The following ZNF213 variants were observed in gnomAD, a reference collection of about 807,000 sequenced individuals.
ZNF213 encodes the protein putative transcription factor CR53.
A neutral mutation model predicts 46.0 loss-of-function variants in ZNF213; 32 were observed. The ratio of observed to expected loss-of-function variants is 0.70; its 90% CI spans 0.52 to 0.93. The LOEUF (loss-of-function observed/expected upper bound fraction) is 0.93, where lower values mean the gene tolerates loss of function less well. Among genes scored for constraint, ZNF213 ranks in the 40% least tolerant of loss-of-function variants. The pLI is 0.00. For synonymous variants in ZNF213, 297 were observed against 271.0 expected (o/e 1.10, Z -0.94); for missense variants, 639 against 652.8 (o/e 0.98, Z 0.23).
rs1181517892 is a variant in ZNF213 at position 3,138,933 on chromosome 16, G to C, written c.598-42G>C. 1.1e-5 allele frequency: 18 copies of C among 1,614,026 alleles called. No homozygotes were observed. The Middle Eastern group carries it at 1.2e-3, about 104-fold the overall frequency. ...TCTGACCCATCCTGTCCCCGCCAGT[G>C]CTGCTGGGAGGCCTGAGCCGGGTCT... On this transcript the variant is annotated intron_variant, in intron 4 of 5. Coordinates refer to ENST00000396878, the MANE Select transcript of ZNF213 (RefSeq NM_004220.3).
At chr16:3,140,533 G>C in intron 5 of ZNF213, 156 bp from the exon 6 acceptor site, 1 of 1,166,224 alleles carries the variant, frequency 8.6e-7, no homozygotes, top group Non-Finnish European at 1.1e-6. Flanking sequence ...AATCATCCCT[G>C]TTTTATAGAT....
At chr16:3,139,134 C>T in intron 5 of ZNF213, 36 bp downstream of exon 5, 2 of 1,603,800 alleles carry the variant, frequency 1.2e-6, no homozygotes, top group Non-Finnish European at 1.7e-6. Flanking sequence ...AGGCTGGCCG[C>T]CCCCGATTCT....
At chr16:3,140,614 C>G in intron 5 of ZNF213, 75 bp from the exon 6 acceptor site, 1 of 1,440,310 alleles carries the variant, frequency 6.9e-7, no homozygotes, top group African/African-American at 1.5e-5. Flanking sequence ...CTTTCCCCAG[C>G]CTTGTTTCTT....
chr16:3,141,551 C>T lies in ZNF213; in HGVS notation c.*204C>T, dbSNP rs755793471. ...AGGGAACGGAAGCCTTCCCCTCCCGCCCCCGATCTTGTCCTCTTTCCCCCT... is the reference window on the plus strand; with the variant it reads ...AGGGAACGGAAGCCTTCCCCTCCCGTCCCCGATCTTGTCCTCTTTCCCCCT... On this transcript the variant is annotated 3_prime_UTR_variant, in exon 6 of 6. Transcript: ENST00000396878. 17 of 568,978 alleles carry T rather than the reference C, an allele frequency of 3.0e-5. No individual in the cohort carries two copies. The highest frequency in any genetic ancestry group is 5.7e-5 in the African/African-American group (3 of 52,272). The allele number at this position is 568,978 out of a possible 1,614,324, so 35.2% of individuals were successfully genotyped here. A position where few individuals can be genotyped will look rare whatever the true frequency, so the allele number is the denominator to read the frequency against.
intron 1 of ZNF213, among the ~76,000 whole-genome samples, chr16:3,135,730 C>G (rs928117623): frequency 6.6e-6 from 1 of 151,908 alleles, no homozygotes; most frequent in Non-Finnish European, 1.5e-5. Flanking sequence ...TCGGGGGGTA[C>G]AATGGTATTG....
Position 3,137,256 on chromosome 16 carries a change from C to A in ZNF213, c.-25C>A, listed in dbSNP as rs569751966. 1.3e-6 allele frequency: 2 copies of A among 1,552,386 alleles called. No homozygotes were observed. Among genetic ancestry groups the A allele is most frequent in the South Asian group, 1.2e-5 (1 of 81,502 alleles). On this transcript the variant is annotated 5_prime_UTR_variant, in exon 2 of 6. Coordinates refer to ENST00000396878, the MANE Select transcript of ZNF213 (RefSeq NM_004220.3). Reference sequence around the variant, plus strand: ...TTCTGGGGCCCAGGTTGAAGCCGACCAACCCTGAGCCTCAGGCCAGGGGAA... The same window carrying A: ...TTCTGGGGCCCAGGTTGAAGCCGACAAACCCTGAGCCTCAGGCCAGGGGAA...
chr16:3,142,219 C>CAT lies in ZNF213; in HGVS notation c.*872_*873insAT. The CAT allele has an allele frequency of 8.7e-6, 2 of 230,440 alleles. No individual in the cohort carries two copies. The highest frequency in any genetic ancestry group is 1.7e-5 in the Non-Finnish European group (2 of 114,380). 14.3% of individuals were successfully genotyped at this position (230,440 alleles called of 1,614,324 possible). Reference sequence around the variant, plus strand: ...CTGCTCCATCGGCACTGGCGCCCTGCTCCATCGGCACTAATGCTCCACTCG... The same window carrying CAT: ...CTGCTCCATCGGCACTGGCGCCCTGCATTCCATCGGCACTAATGCTCCACTCG... On this transcript the variant is annotated 3_prime_UTR_variant, in exon 6 of 6. Coordinates refer to ENST00000396878, the MANE Select transcript of ZNF213 (RefSeq NM_004220.3).
rs757803966 is a variant in ZNF213 at position 3,140,760 on chromosome 16, G to A, written c.793G>A (p.Gly265Ser). 8.3e-6 allele frequency: 13 copies of A among 1,566,032 alleles called. No homozygotes were observed. Among genetic ancestry groups the A allele is most frequent in the South Asian group, 7.2e-5 (6 of 83,868 alleles). The stretch of plus-strand genomic sequence containing the variant: ...GGTGCCGGTGGTGCCAGGCCAGACA[G>A]GCAGCGACGTGACTGTGTCCTGGAG... Reference protein sequence around the residue: ...EMVPVVPGQTGSDVTVSWSPE... With the variant: ...EMVPVVPGQTSSDVTVSWSPE... The change falls in exon 6 of 6, where the codon GGC becomes AGC. Residue 265 changes from glycine to serine, a missense_variant. Physicochemically the swap from Gly to Ser is moderately conservative, Grantham distance 56. Coordinates refer to ENST00000396878, the MANE Select transcript of ZNF213 (RefSeq NM_004220.3).
intron 2 of ZNF213, 56 bp from the exon 3 acceptor site, chr16:3,138,362 C>T: frequency 3.1e-6 from 5 of 1,605,664 alleles, no homozygotes; most frequent in Non-Finnish European, 4.3e-6. Flanking sequence ...AGGGAGTAAA[C>T]TCTGTCTCCC....
chr16:3,138,525 G>A lies in ZNF213; in HGVS notation c.507G>A (p.Glu169=), dbSNP rs533658811. The A allele has an allele frequency of 1.2e-6, 2 of 1,614,092 alleles. No homozygotes were observed. Among genetic ancestry groups the A allele is most frequent in the South Asian group, 1.1e-5 (1 of 91,086 alleles). ...GGAGGCGGCCGTCTGTTCCCCAGGA[G>A]CAGCACAGCCATAGCGGTGAGTAAG... The part of the protein sequence containing the change: ...GARRRPSVPQ[E]QHSHSAQPPA... Residue 169 remains glutamate, a synonymous_variant, in exon 3 of 6, where the codon GAG becomes GAA. Coordinates refer to ENST00000396878, the MANE Select transcript of ZNF213 (RefSeq NM_004220.3).
At position 3,138,486 on chromosome 16, in the gene ZNF213, G is replaced by C. The variant is rs147191903; in HGVS notation, c.468G>C (p.Pro156=). 83 of 1,613,514 alleles carry C rather than the reference G, an allele frequency of 5.1e-5. 1 individual carries two copies. The African/African-American group carries it at 1.1e-3, about 21-fold the overall frequency. Residue 156 remains proline, a synonymous_variant, in exon 3 of 6, where the codon CCG becomes CCC. Coordinates refer to ENST00000396878, the MANE Select transcript of ZNF213 (RefSeq NM_004220.3). The part of the protein sequence containing the change: ...GRGSQATGPP[P]TVGARRRPSV... ...GATCCCAGGCCACGGGGCCTCCCCCGACGGTGGGGGCACGGAGGCGGCCGT... is the reference window on the plus strand; with the variant it reads ...GATCCCAGGCCACGGGGCCTCCCCCCACGGTGGGGGCACGGAGGCGGCCGT...
intron 2 of ZNF213, chr16:3,137,995 A>G (rs1025297406): frequency 4.1e-6 from 2 of 484,860 alleles, no homozygotes; most frequent in African/African-American, 3.9e-5. Context: ...CTCTGGGGAC[A>G]CAAGGGTGTG....
rs1957626208 is a variant in ZNF213 at position 3,142,584 on chromosome 16, C to CA, written c.*1237_*1238insA. ...CCCCATTCCATCGGCACTAACGCCCCGCTCCACCGGCACCAGTGCCTCGCT... is the reference window on the plus strand; with the variant it reads ...CCCCATTCCATCGGCACTAACGCCCCAGCTCCACCGGCACCAGTGCCTCGCT... On this transcript the variant is annotated 3_prime_UTR_variant, in exon 6 of 6. Coordinates refer to ENST00000396878, the MANE Select transcript of ZNF213 (RefSeq NM_004220.3). The CA allele has an allele frequency of 1.3e-5, 2 of 151,084 alleles. No homozygotes were observed. The highest frequency in any genetic ancestry group is 2.9e-5 in the Non-Finnish European group (2 of 69,202). 9.4% of individuals were successfully genotyped at this position (151,084 alleles called of 1,614,324 possible).
At chr16:3,137,737 G>A in intron 2 of ZNF213, 58 bp downstream of exon 2, 1 of 1,568,810 alleles carries the variant, frequency 6.4e-7, no homozygotes, top group Non-Finnish European at 8.6e-7. Context: ...CGAGAGAAGT[G>A]GGTAACCTGC....
At chr16:3,136,502 G>C (rs1016892782) in intron 1 of ZNF213, among the ~76,000 whole-genome samples, 2 of 152,188 alleles carry the variant, frequency 1.3e-5, no homozygotes, top group Non-Finnish European at 2.9e-5. Flanking sequence ...TGGATCACAA[G>C]GTCAGGAGTT....
chr16:3,138,167 C>A, intron 2 of ZNF213: 2 of 650,120 alleles, frequency 3.1e-6, no homozygotes, highest in Non-Finnish European at 4.9e-6. Context: ...CAGCTACCCC[C>A]TTGCTAAGTG....
intron 5 of ZNF213, 109 bp downstream of exon 5, chr16:3,139,207 G>C: frequency 6.8e-7 from 1 of 1,477,586 alleles, no homozygotes; most frequent in South Asian, 1.3e-5. Context: ...GCTCTCCCTA[G>C]GTCTTGCCAG....
At position 3,141,273 on chromosome 16, in the gene ZNF213, A is replaced by G. The variant is rs1957600851; in HGVS notation, c.1306A>G (p.Lys436Glu). 2.5e-6 allele frequency: 4 copies of G among 1,611,660 alleles called. No individual in the cohort carries two copies. Among genetic ancestry groups the G allele is most frequent in the Non-Finnish European group, 2.5e-6 (3 of 1,179,860 alleles). The stretch of plus-strand genomic sequence containing the variant: ...GCCCTTCGGCTGCGGAGAGTGCGAC[A>G]AGAGCTTCAAGCAGCGCGCGCACCT... ...ERPFGCGECDKSFKQRAHLIA... is the reference protein window; with the variant it reads ...ERPFGCGECDESFKQRAHLIA... The change falls in exon 6 of 6, where the codon AAG becomes GAG. Residue 436 changes from lysine (K) to glutamate (E), a missense_variant. Transcript: ENST00000396878.
chr16:3,138,751 C>CT lies in ZNF213; in HGVS notation c.531dup (p.Pro178SerfsTer5). On this transcript the variant is annotated frameshift_variant, in exon 4 of 6. Coordinates refer to ENST00000396878, the MANE Select transcript of ZNF213 (RefSeq NM_004220.3). LOFTEE classifies it high-confidence loss of function. ...CTCCATTCTTCTCCTTCAGCCCAGC[C>CT]TCCTGCTCTTCTTAAAGAGGGTCGT... The CT allele has an allele frequency of 6.2e-7, 1 of 1,614,188 alleles. No homozygotes were observed. The highest frequency in any genetic ancestry group is 8.5e-7 in the Non-Finnish European group (1 of 1,180,028).
Sources: gnomAD v4.1 joint callset for allele counts (sites outside exome capture counted in the v4.1 genomes callset) on GRCh38, gnomAD v4.1.1 for gene constraint, MANE v1.5 for transcripts, NCBI Gene and HGNC (gene_info 2026-07-23, HGNC 2026-07-21) for gene names.